The following EHBP1 variants were observed in gnomAD, a reference collection of about 807,000 sequenced individuals.
EHBP1 encodes EH domain binding protein 1, also known as EH domain-binding protein 1.
In EHBP1, 55 loss-of-function variants were observed where a neutral mutation model predicts 144.0. The observed-to-expected ratio is 0.38, with a 90% CI of 0.31 to 0.48. The LOEUF (loss-of-function observed/expected upper bound fraction) is 0.48. Ranked by LOEUF, EHBP1 falls within the 20% of genes least tolerant of loss-of-function variation. The pLI is 0.98. For synonymous variants in EHBP1, 469 were observed against 472.7 expected, an observed-to-expected ratio of 0.99 and a Z score of 0.10; for missense variants, 1,200 against 1,364.2, an observed-to-expected ratio of 0.88 and a Z score of 1.90.
intron 12 of EHBP1, among the ~76,000 whole-genome samples, chr2:62,946,095 A>G (rs909067337): frequency 3.9e-5 from 6 of 152,226 alleles, no homozygotes; most frequent in Admixed American, 3.3e-4. Context: ...TTAAATACAG[A>G]CATGAGCATT....
chr2:62,703,403 G>T (rs1423426196), upstream of EHBP1, among the ~76,000 whole-genome samples: 1 of 152,044 alleles, frequency 6.6e-6, no homozygotes, highest in Admixed American at 6.5e-5. Context: ...GGCCAAAAGA[G>T]CTGAACATAT....
At chr2:62,809,204 T>G (rs568550085) in intron 5 of EHBP1, among the ~76,000 whole-genome samples, 67 of 145,894 alleles carry the variant, frequency 4.6e-4, no homozygotes, top group African/African-American at 1.6e-3. Flanking sequence ...GGCAGGAGAA[T>G]CACTTGAACC....
chr2:63,019,272 A>C (rs1312622782), intron 19 of EHBP1, among the ~76,000 whole-genome samples: 1 of 152,212 alleles, frequency 6.6e-6, no homozygotes, highest in African/African-American at 2.4e-5. Context: ...AGATGTGCTA[A>C]ACTCATAGTG....
chr2:62,941,895 A>T (rs1444540164), intron 10 of EHBP1, among the ~76,000 whole-genome samples: 1 of 152,116 alleles, frequency 6.6e-6, no homozygotes, highest in Non-Finnish European at 1.5e-5. Context: ...GTTATTCAGT[A>T]AAAGAAAATG....
intron 2 of EHBP1, among the ~76,000 whole-genome samples, chr2:62,724,564 A>G (rs763718384): frequency 1.3e-5 from 2 of 152,038 alleles, no homozygotes; most frequent in African/African-American, 2.4e-5. Context: ...TTGAATTGTC[A>G]GAGTTCTTTT....
At chr2:62,690,808 C>G (rs908402748) in intron 1 of EHBP1, among the ~76,000 whole-genome samples, 5 of 152,126 alleles carry the variant, frequency 3.3e-5, no homozygotes, top group African/African-American at 1.2e-4. Context: ...CACTGGACAC[C>G]TATTTCAAAG....
intron 5 of EHBP1, 88 bp downstream of exon 5, chr2:62,771,480 A>T (rs910835837): frequency 3.0e-6 from 3 of 986,346 alleles, no homozygotes; most frequent in Non-Finnish European, 4.4e-6. Flanking sequence ...GTGGTAGGAA[A>T]AATGTTGCCT....
At chr2:62,753,098 G>T (rs980415077) in intron 3 of EHBP1, among the ~76,000 whole-genome samples, 1 of 152,144 alleles carries the variant, frequency 6.6e-6, no homozygotes, top group African/African-American at 2.4e-5. Flanking sequence ...TCCTAGCATC[G>T]ATGGTCTTTA....
chr2:62,933,036 G>A (rs1193953197), intron 10 of EHBP1, among the ~76,000 whole-genome samples: 1 of 151,394 alleles, frequency 6.6e-6, no homozygotes, highest in Non-Finnish European at 1.5e-5. Context: ...AAGTTATTGA[G>A]GAGCCCAAAT....
intron 2 of EHBP1, among the ~76,000 whole-genome samples, chr2:62,721,583 G>C (rs998597483): frequency 6.6e-6 from 1 of 152,190 alleles, no homozygotes; most frequent in Non-Finnish European, 1.5e-5. Flanking sequence ...TTGAAGTTAT[G>C]TAAGTGTCCT....
At chr2:62,771,114 A>G (rs1210486810) in intron 4 of EHBP1, among the ~76,000 whole-genome samples, 1 of 152,200 alleles carries the variant, frequency 6.6e-6, no homozygotes, top group African/African-American at 2.4e-5. Flanking sequence ...CTCCTGTGCC[A>G]TGAGTTTACC....
chr2:62,754,431 C>G (rs1002941872), intron 3 of EHBP1, among the ~76,000 whole-genome samples: 1 of 152,172 alleles, frequency 6.6e-6, no homozygotes, highest in Admixed American at 6.5e-5. Context: ...TTAGGCTACT[C>G]GGGGTTTAGG....
chr2:62,946,556 C>T (rs1489998809), intron 12 of EHBP1, among the ~76,000 whole-genome samples: 1 of 152,156 alleles, frequency 6.6e-6, no homozygotes, highest in Non-Finnish European at 1.5e-5. Flanking sequence ...GGACTTAAAG[C>T]ACCATAGGAA....
At position 63,030,511 on chromosome 2, in the gene EHBP1, G is replaced by A. The variant is rs929916006; in HGVS notation, c.3104-7024G>A. On this transcript the variant is annotated intron_variant, in intron 19 of 22. Coordinates refer to ENST00000431489, the MANE Select transcript of EHBP1 (RefSeq NM_001142616.3). The stretch of plus-strand genomic sequence containing the variant: ...CATTTTTTTTCTTTTTTTTTGAGAC[G>A]GAGTCTCGCTCTATCGCCCAGGCTG... Among the ~76,000 whole-genome samples, 4 of 150,094 alleles carry A rather than the reference G, an allele frequency of 2.7e-5. No homozygotes were observed. The East Asian group carries it at 5.9e-4, about 22-fold the overall frequency.
chr2:62,959,592 A>G (rs1349164414), intron 14 of EHBP1, among the ~76,000 whole-genome samples: 1 of 152,126 alleles, frequency 6.6e-6, no homozygotes, highest in Non-Finnish European at 1.5e-5. Flanking sequence ...GTGACATCTC[A>G]TTGTGATCTT....
rs559953040 is a variant in EHBP1, at chr2:62,805,141, A to G, written c.313-20946A>G. Among the ~76,000 whole-genome samples the G allele has an allele frequency of 2.0e-5, 3 of 152,346 alleles. No individual in the cohort carries two copies. The South Asian group carries it at 6.2e-4, about 32-fold the overall frequency. On this transcript the variant is annotated intron_variant, in intron 5 of 22. Transcript: ENST00000431489. Reference sequence around the variant, plus strand: ...ATGTTAAGAAAGTAATTTAGGATCAATGTGAAGAATTGACTAAGAATTTTT... The same window carrying G: ...ATGTTAAGAAAGTAATTTAGGATCAGTGTGAAGAATTGACTAAGAATTTTT...
intron 9 of EHBP1, chr2:62,872,098 T>TGA (rs1175273055): frequency 2.6e-5 from 4 of 152,276 alleles, no homozygotes; most frequent in Non-Finnish European, 5.9e-5. Flanking sequence ...GATATCAAGG[T>TGA]GAGAGGAAGA....
intron 7 of EHBP1, among the ~76,000 whole-genome samples, chr2:62,842,784 A>T (rs1273335524): frequency 6.6e-6 from 1 of 152,202 alleles, no homozygotes; most frequent in African/African-American, 2.4e-5. Flanking sequence ...AGATACGGGT[A>T]CTTTTAAGTA....
At chr2:62,865,732 A>C (rs1573794975) in intron 9 of EHBP1, among the ~76,000 whole-genome samples, 1 of 152,354 alleles carries the variant, frequency 6.6e-6, no homozygotes, top group Admixed American at 6.5e-5. Flanking sequence ...GATCCCTGAG[A>C]GAACAGAAAC....
Sources: gnomAD v4.1 joint callset for allele counts (sites outside exome capture counted in the v4.1 genomes callset) on GRCh38, gnomAD v4.1.1 for gene constraint, MANE v1.5 for transcripts, NCBI Gene and HGNC (gene_info 2026-07-23, HGNC 2026-07-21) for gene names.